The following MASP1 variants were observed in gnomAD, a reference collection of about 807,000 sequenced individuals.
MASP1 encodes MBL associated serine protease 1.
MASP1 carries 59 observed loss-of-function variants against 77.1 expected under a neutral mutation model. The ratio of observed to expected loss-of-function variants is 0.77; its 90% CI spans 0.62 to 0.95. MASP1 has a LOEUF of 0.95. Ranked by LOEUF, MASP1 falls within the 40% of genes least tolerant of loss-of-function variation. MASP1 has a pLI of 0.00. For synonymous variants in MASP1, 362 were observed against 354.5 expected (o/e 1.02, Z -0.24); for missense variants, 885 against 912.9 (o/e 0.97, Z 0.39).
chr3:187,276,121 C>T (rs970615394), intron 2 of MASP1, among the ~76,000 whole-genome samples: 9 of 111,898 alleles, frequency 8.0e-5, no homozygotes, highest in African/African-American at 1.0e-4. Context: ...GTAGCCCCCC[C>T]AACAAGAAAG....
rs200376787 is a variant in MASP1 at position 187,260,822 on chromosome 3, A to C, written c.466T>G (p.Tyr156Asp). The change falls in exon 4 of 11, where the codon TAC becomes GAC. Residue 156 changes from tyrosine to aspartate, a missense_variant. By Grantham distance (160) the Tyr-to-Asp change is radical (BLOSUM62 -3). Coordinates refer to ENST00000296280, the MANE Select transcript of MASP1 (RefSeq NM_139125.4). Reference sequence around the variant, plus strand: ...TAGCCGCCAATGTAGTTGTGGCAGTAGTGGTCACAGGACAGCTCCTCGTCC... The same window carrying C: ...TAGCCGCCAATGTAGTTGTGGCAGTCGTGGTCACAGGACAGCTCCTCGTCC... ...REDEELSCDH[Y>D]CHNYIGGYYC... 6.2e-7 allele frequency: 1 copy of C among 1,614,162 alleles called. No homozygotes were observed. Among genetic ancestry groups the C allele is most frequent in the Admixed American group, 1.7e-5 (1 of 60,020 alleles).
chr3:187,227,116 C>A (rs539855751), intron 11 of MASP1, among the ~76,000 whole-genome samples: 1 of 152,346 alleles, frequency 6.6e-6, no homozygotes, highest in East Asian at 1.9e-4. Context: ...GGACCTATAT[C>A]TAGACCATTT....
At chr3:187,243,769 G>A in intron 8 of MASP1, 148 bp from the exon 9 acceptor site, 1 of 958,748 alleles carries the variant, frequency 1.0e-6, no homozygotes, top group South Asian at 1.3e-5. Flanking sequence ...GGCACCCCTG[G>A]GGTGTGCAGT....
chr3:187,268,787 C>T (rs1716269850), intron 2 of MASP1, among the ~76,000 whole-genome samples: 1 of 152,132 alleles, frequency 6.6e-6, no homozygotes, highest in Non-Finnish European at 1.5e-5. Flanking sequence ...GATTTTAAGG[C>T]CGGGTGTGGT....
chr3:187,237,434 T>C (rs1713276714), intron 10 of MASP1, among the ~76,000 whole-genome samples: 4 of 152,250 alleles, frequency 2.6e-5, no homozygotes, highest in African/African-American at 9.6e-5. Context: ...AACAGAATCT[T>C]GCTATAAATT....
intron 2 of MASP1, among the ~76,000 whole-genome samples, chr3:187,269,019 C>T (rs1716295333): frequency 4.0e-5 from 6 of 148,926 alleles, no homozygotes; most frequent in Admixed American, 1.3e-4. Context: ...GAGCTGAGAT[C>T]ATGCCATTGC....
intron 13 of MASP1, among the ~76,000 whole-genome samples, chr3:187,224,341 T>A (rs1024836602): frequency 3.0e-4 from 28 of 92,510 alleles, no homozygotes; most frequent in Non-Finnish European, 4.9e-4. Context: ...GTGCTGAGTA[T>A]TTTTTTTTTT....
Position 187,236,390 on chromosome 3 carries a change from G to C in MASP1, c.1481C>G (p.Thr494Arg). 1 of 1,614,254 alleles carries C rather than the reference G, an allele frequency of 6.2e-7. No homozygotes were observed. The highest frequency in any genetic ancestry group is 8.5e-7 in the Non-Finnish European group (1 of 1,180,052). Reference protein sequence around the residue: ...GALLSASWILTAAHVLRSQRR... With the variant: ...GALLSASWILRAAHVLRSQRR... ...CTGGGAGCGCAGCACATGAGCTGCTGTGAGGATCCAGGACGCAGAGAGCAG... is the reference window on the plus strand; with the variant it reads ...CTGGGAGCGCAGCACATGAGCTGCTCTGAGGATCCAGGACGCAGAGAGCAG... Residue 494 changes from threonine to arginine, a missense_variant, in exon 11 of 11, where the codon ACA becomes AGA. Thr to Arg is a moderately conservative substitution (Grantham distance 71, BLOSUM62 -1). Coordinates refer to ENST00000296280, the MANE Select transcript of MASP1 (RefSeq NM_139125.4).
chr3:187,245,914 G>T (rs895130655), intron 8 of MASP1, among the ~76,000 whole-genome samples: 3 of 152,164 alleles, frequency 2.0e-5, no homozygotes, highest in Admixed American at 1.3e-4. Context: ...TTGCTGTACT[G>T]GGGGGCTTTC....
chr3:187,262,808 A>G (rs1013018345), intron 2 of MASP1, 88 bp from the exon 3 acceptor site: 1 of 1,208,198 alleles, frequency 8.3e-7, no homozygotes, highest in South Asian at 1.3e-5. Flanking sequence ...GGAAGGGGCC[A>G]CCCAAGAGTA....
At chr3:187,269,139 G>A (rs1176175144) in intron 2 of MASP1, among the ~76,000 whole-genome samples, 3 of 151,406 alleles carry the variant, frequency 2.0e-5, no homozygotes, top group African/African-American at 7.3e-5. Flanking sequence ...GTGACTGTAA[G>A]AATCATTTGT....
At chr3:187,288,612 T>C (rs1293447912) in intron 1 of MASP1, among the ~76,000 whole-genome samples, 1 of 152,254 alleles carries the variant, frequency 6.6e-6, no homozygotes, top group East Asian at 1.9e-4. Context: ...GTTATAATTA[T>C]TCCATCCTGC....
At chr3:187,285,065 C>T (rs972422766) in intron 2 of MASP1, among the ~76,000 whole-genome samples, 1 of 152,132 alleles carries the variant, frequency 6.6e-6, no homozygotes, top group African/African-American at 2.4e-5. Context: ...TCTTTTTTAA[C>T]TAGATATAAC....
intron 8 of MASP1, chr3:187,246,645 G>T: frequency 1.0e-6 from 1 of 988,172 alleles, no homozygotes; most frequent in Non-Finnish European, 1.2e-6. Context: ...ACAGCACAGA[G>T]CTGGGACCAC....
At chr3:187,236,735 T>C (rs1290265281) in intron 10 of MASP1, among the ~76,000 whole-genome samples, 168 bp from the exon 11 acceptor site, 2 of 152,170 alleles carry the variant, frequency 1.3e-5, no homozygotes, top group Non-Finnish European at 2.9e-5. Flanking sequence ...CTCAGGGTCA[T>C]TTTGGGTCTA....
At chr3:187,239,172 G>A (rs71322466) in intron 10 of MASP1, among the ~76,000 whole-genome samples, 3,499 of 145,118 alleles carry the variant, frequency 0.024, 64 homozygotes, top group Non-Finnish European at 0.032. Context: ...GAGAAACCCC[G>A]TCTCTACTAA....
intron 8 of MASP1, 72 bp downstream of exon 8, chr3:187,250,179 G>T: frequency 8.1e-7 from 1 of 1,233,014 alleles, no homozygotes; most frequent in Non-Finnish European, 1.2e-6. Context: ...TTTCACCCTT[G>T]CATGCTCTGC....
chr3:187,236,259 G>T lies in MASP1; in HGVS notation c.1612C>A (p.Arg538=), dbSNP rs369868022. ...KSGAVNSSAA[R]VVLHPDFNIQ... ...TTGAAGTCTGGGTGGAGCACCACTCGGGCAGCTGAGCTGTTGACTGCCCCC... is the reference window on the plus strand; with the variant it reads ...TTGAAGTCTGGGTGGAGCACCACTCTGGCAGCTGAGCTGTTGACTGCCCCC... Residue 538 remains arginine (R), a synonymous_variant, in exon 11 of 11, where the codon CGA becomes AGA. Transcript: ENST00000296280. 46 of 1,614,240 alleles carry T rather than the reference G, an allele frequency of 2.8e-5. No individual in the cohort carries two copies. In the African/African-American group the frequency reaches 6.0e-4, roughly 21 times the overall value.
Position 187,234,321 on chromosome 3 carries a change from A to C in MASP1, c.*1363T>G, listed in dbSNP as rs1348427372. ...CCTTGCTCTGATGGAGATTTTCAGG[A>C]GAGAGAGCTCCAGGGAGAAGGAGAA... On this transcript the variant is annotated 3_prime_UTR_variant, in exon 11 of 11. Coordinates refer to ENST00000296280, the MANE Select transcript of MASP1 (RefSeq NM_139125.4). 1 of 1,287,182 alleles carries C rather than the reference A, an allele frequency of 7.8e-7. No individual in the cohort carries two copies. The highest frequency in any genetic ancestry group is 1.0e-6 in the Non-Finnish European group (1 of 988,688). 79.7% of individuals were successfully genotyped at this position (1,287,182 alleles called of 1,614,324 possible). A position where few individuals can be genotyped will look rare whatever the true frequency, so the allele number is the denominator to read the frequency against.
Sources: allele counts gnomAD v4.1 joint callset (sites outside exome capture counted in the v4.1 genomes callset), GRCh38; gene constraint gnomAD v4.1.1; transcripts MANE v1.5; gene names NCBI Gene and HGNC (gene_info 2026-07-23, HGNC 2026-07-21).